The following SWT1 variants were observed in gnomAD, a reference collection of about 807,000 sequenced individuals.
SWT1 encodes SWT1 RNA endoribonuclease homolog, also known as transcriptional protein SWT1.
SWT1 carries 33 observed loss-of-function variants against 107.3 expected under a neutral mutation model. The ratio of observed to expected loss-of-function variants is 0.31; its 90% confidence interval spans 0.23 to 0.41. The LOEUF is 0.41. Ranked by LOEUF, SWT1 falls within the 10% of genes least tolerant of loss-of-function variation. The probability of loss-of-function intolerance (pLI) is 1.00; values close to 1 mark genes in which losing one functional copy is unlikely to be tolerated. For synonymous variants in SWT1, 345 were observed against 348.3 expected, an observed-to-expected ratio of 0.99 and a Z score of 0.11; for missense variants, 898 against 1,028.9, an observed-to-expected ratio of 0.87 and a Z score of 1.74.
At chr1:185,182,657 CCT>C in intron 7 of SWT1, among the ~76,000 whole-genome samples, 1 of 128,458 alleles carries the variant, frequency 7.8e-6, no homozygotes, top group Non-Finnish European at 1.6e-5. Context: ...AGAACAAGAC[CCT>C]CTCTCTCTCA....
chr1:185,182,303 G>A (rs1032400236), intron 7 of SWT1, among the ~76,000 whole-genome samples: 2 of 152,138 alleles, frequency 1.3e-5, no homozygotes, highest in African/African-American at 4.8e-5. Context: ...GTAGTAATTA[G>A]AATTATGAGT....
At chr1:185,278,861 C>T (rs115764404) in intron 18 of SWT1, among the ~76,000 whole-genome samples, 19 of 152,240 alleles carry the variant, frequency 1.2e-4, no homozygotes, top group Non-Finnish European at 2.5e-4. Flanking sequence ...TACCTGTGTA[C>T]CTGTGTGGCT....
intron 15 of SWT1, among the ~76,000 whole-genome samples, chr1:185,231,246 C>T (rs560538143): frequency 2.6e-5 from 4 of 152,246 alleles, no homozygotes; most frequent in African/African-American, 7.2e-5. Context: ...TTTTCTTCAT[C>T]GTTCTCATCC....
chr1:185,234,210 TG>T (rs1660704421), intron 16 of SWT1, among the ~76,000 whole-genome samples: 1 of 152,168 alleles, frequency 6.6e-6, no homozygotes, highest in Admixed American at 6.5e-5. Flanking sequence ...ATATTGACAG[TG>T]GGGTGTTAAA....
At chr1:185,199,473 G>C (rs929403559) in intron 10 of SWT1, among the ~76,000 whole-genome samples, 3 of 152,132 alleles carry the variant, frequency 2.0e-5, no homozygotes, top group Non-Finnish European at 4.4e-5. Context: ...GCATTTGCTT[G>C]TCTGTAAAGG....
chr1:185,195,920 A>G (rs549015977), intron 10 of SWT1, among the ~76,000 whole-genome samples: 40 of 152,300 alleles, frequency 2.6e-4, no homozygotes, highest in African/African-American at 8.7e-4. Context: ...AGGTTGCAAA[A>G]AATTTCTCAC....
At chr1:185,213,843 T>G (rs1659013691) in intron 13 of SWT1, among the ~76,000 whole-genome samples, 1 of 152,216 alleles carries the variant, frequency 6.6e-6, no homozygotes, top group South Asian at 2.1e-4. Context: ...TAATTAGTTT[T>G]AGTTCCTTGA....
chr1:185,255,166 C>A (rs1381047054), intron 16 of SWT1, among the ~76,000 whole-genome samples: 1 of 152,062 alleles, frequency 6.6e-6, no homozygotes. Flanking sequence ...AATTTCTGTT[C>A]TTTTACATCT....
At chr1:185,255,034 T>G (rs965456170) in intron 16 of SWT1, among the ~76,000 whole-genome samples, 2 of 152,090 alleles carry the variant, frequency 1.3e-5, no homozygotes, top group African/African-American at 2.4e-5. Flanking sequence ...CATTTCGTTA[T>G]GTACCCAGTA....
intron 1 of SWT1, among the ~76,000 whole-genome samples, chr1:185,159,118 C>T (rs7548237): frequency 0.39 from 59,923 of 151,970 alleles, 12,179 homozygotes; most frequent in African/African-American, 0.5. Flanking sequence ...AGGCAGACGT[C>T]ATGATATCTT....
chr1:185,264,992 A>T (rs562590271), intron 16 of SWT1, among the ~76,000 whole-genome samples: 1 of 152,302 alleles, frequency 6.6e-6, no homozygotes, highest in East Asian at 1.9e-4. Flanking sequence ...TTTAAGTTAA[A>T]TCTGAAACAT....
chr1:185,164,781 C>T (rs1654439856), intron 2 of SWT1, among the ~76,000 whole-genome samples: 1 of 152,200 alleles, frequency 6.6e-6, no homozygotes, highest in African/African-American at 2.4e-5. Flanking sequence ...ATTTTCTATC[C>T]AAACCACTCA....
At chr1:185,171,763 G>A in intron 4 of SWT1, 1 of 416,402 alleles carries the variant, frequency 2.4e-6, no homozygotes, top group Non-Finnish European at 4.7e-6. Flanking sequence ...CTAGGCTGGA[G>A]TGCAGTGGCA....
At chr1:185,258,244 G>T (rs1333692048) in intron 16 of SWT1, among the ~76,000 whole-genome samples, 1 of 152,036 alleles carries the variant, frequency 6.6e-6, no homozygotes, top group Non-Finnish European at 1.5e-5. Flanking sequence ...ATATAGCAAG[G>T]ATCTTAGAAC....
At chr1:185,181,131 G>A (rs1465760521) in intron 6 of SWT1, among the ~76,000 whole-genome samples, 2 of 152,166 alleles carry the variant, frequency 1.3e-5, no homozygotes, top group Non-Finnish European at 2.9e-5. Context: ...AGCTGGGCAT[G>A]GTGGTACATG....
chr1:185,192,271 C>G (rs1657017896), intron 10 of SWT1, among the ~76,000 whole-genome samples: 1 of 152,258 alleles, frequency 6.6e-6, no homozygotes, highest in Non-Finnish European at 1.5e-5. Context: ...TCATAGACAT[C>G]TGAAACCTAT....
chr1:185,288,412 C>G (rs1665069738), intron 18 of SWT1, among the ~76,000 whole-genome samples: 1 of 152,074 alleles, frequency 6.6e-6, no homozygotes, highest in South Asian at 2.1e-4. Flanking sequence ...CACACATTGT[C>G]AAGAAGTGAC....
chr1:185,209,208 G>T (rs1040007529), intron 13 of SWT1, among the ~76,000 whole-genome samples: 5 of 151,894 alleles, frequency 3.3e-5, no homozygotes, highest in African/African-American at 9.7e-5. Context: ...GTGCTATCCT[G>T]GCTCCAGTTT....
chr1:185,207,710 TG>T (rs1393722552), intron 13 of SWT1, among the ~76,000 whole-genome samples: 1 of 152,064 alleles, frequency 6.6e-6, no homozygotes, highest in Non-Finnish European at 1.5e-5. Flanking sequence ...AAGGCCAGCC[TG>T]GGCAACATGG....
Sources: gnomAD v4.1 joint callset for allele counts (sites outside exome capture counted in the v4.1 genomes callset) on GRCh38, gnomAD v4.1.1 for gene constraint, MANE v1.5 for transcripts, NCBI Gene and HGNC (gene_info 2026-07-23, HGNC 2026-07-21) for gene names.